DYSF: variants seen among roughly 807,000 people sequenced by gnomAD.
DYSF encodes dystrophy-associated fer-1-like 1.
In DYSF, 212 loss-of-function variants were observed where a neutral mutation model predicts 274.9. The observed-to-expected ratio is 0.77, with a 90% CI of 0.69 to 0.86. DYSF has a LOEUF of 0.86. Among genes scored for constraint, DYSF ranks in the 40% least tolerant of loss-of-function variants. The pLI is 0.00. For synonymous variants in DYSF, 1,091 were observed against 1,078.7 expected (o/e 1.01, Z -0.22); for missense variants, 2,666 against 2,783.2 (o/e 0.96, Z 0.95).
At chr2:71,536,464 G>A (rs58242692) in intron 16 of DYSF, among the ~76,000 whole-genome samples, 3,456 of 152,366 alleles carry the variant, frequency 0.023, 123 homozygotes, top group African/African-American at 0.075. Context: ...TTGGAGGAAA[G>A]ATGTGCTTTA....
Position 71,570,353 on chromosome 2 carries a change from C to T in DYSF, c.3085+19C>T. On this transcript the variant is annotated intron_variant, in intron 28 of 55. Transcript: ENST00000410020. ...GAGCAAGGTGGGCAGCATGTGGAAC[C>T]TGGCGAGCCCCATCCCCGGCAAGCT... 6.2e-7 allele frequency: 1 copy of T among 1,610,738 alleles called. No individual in the cohort carries two copies. The highest frequency in any genetic ancestry group is 8.5e-7 in the Non-Finnish European group (1 of 1,177,184).
At chr2:71,522,426 T>G (rs2087391541) in intron 12 of DYSF, among the ~76,000 whole-genome samples, 1 of 152,268 alleles carries the variant, frequency 6.6e-6, no homozygotes, top group Non-Finnish European at 1.5e-5. Context: ...CTCCATAGCG[T>G]TCGATTCTGG....
intron 17 of DYSF, among the ~76,000 whole-genome samples, chr2:71,543,696 C>A (rs1278716572): frequency 6.6e-6 from 1 of 152,170 alleles, no homozygotes; most frequent in Non-Finnish European, 1.5e-5. Flanking sequence ...CCCATCTCCA[C>A]CAAAAAAATA....
intron 41 of DYSF, among the ~76,000 whole-genome samples, chr2:71,635,748 C>CAAAAA (rs753590151): frequency 2.2e-4 from 15 of 69,284 alleles, no homozygotes; most frequent in Admixed American, 6.7e-4. Context: ...GACTCTGTCT[C>CAAAAA]AAAAAAAAAA....
chr2:71,512,086 C>T (rs994614664), intron 5 of DYSF, among the ~76,000 whole-genome samples, 165 bp downstream of exon 5: 1 of 152,224 alleles, frequency 6.6e-6, no homozygotes, highest in Non-Finnish European at 1.5e-5. Flanking sequence ...GTGGGAAGTC[C>T]TGAGGGCTGC....
At chr2:71,473,784 A>C (rs184265854) in intron 1 of DYSF, among the ~76,000 whole-genome samples, 1 of 152,200 alleles carries the variant, frequency 6.6e-6, no homozygotes, top group Middle Eastern at 3.2e-3. Context: ...GTTCTGTGGC[A>C]TTAATCATTG....
chr2:71,681,464 C>T (rs1430715864), intron 54 of DYSF, among the ~76,000 whole-genome samples: 2 of 152,248 alleles, frequency 1.3e-5, no homozygotes, highest in Admixed American at 1.3e-4. Flanking sequence ...TAAATAAGGG[C>T]ATTCCAGCTA....
intron 7 of DYSF, among the ~76,000 whole-genome samples, chr2:71,515,114 G>A (rs924686539): frequency 1.2e-4 from 19 of 152,230 alleles, no homozygotes; most frequent in African/African-American, 3.4e-4. Context: ...AAGCATAGAC[G>A]TTCTTGAAGT....
At position 71,588,826 on chromosome 2, in the gene DYSF, C is replaced by CT. The variant is rs547078151; in HGVS notation, c.3403-766dup. 4.5e-4 allele frequency: 69 copies of CT among 153,022 alleles called. 1 individual carries two copies. Among genetic ancestry groups the CT allele is most frequent in the African/African-American group, 1.6e-3 (66 of 41,560 alleles). The allele number at this position is 153,022 out of a possible 1,614,324, so 9.5% of individuals were successfully genotyped here. A position where few individuals can be genotyped will look rare whatever the true frequency, so the allele number is the denominator to read the frequency against. ...GGGTGTCTAGTAACGGCCACCGACT[C>CT]TCCCCAGTCCCTCTGTAGGCTGTGG... is the stretch of plus-strand genomic sequence containing the variant. On this transcript the variant is annotated intron_variant, in intron 30 of 55. Coordinates refer to ENST00000410020, the MANE Select transcript of DYSF (RefSeq NM_001130987.2).
chr2:71,577,415 C>T (rs1371301598), intron 30 of DYSF, among the ~76,000 whole-genome samples: 2 of 151,734 alleles, frequency 1.3e-5, no homozygotes, highest in Non-Finnish European at 2.9e-5. Context: ...CCCATACACA[C>T]TAACACCTAC....
At position 71,570,583 on chromosome 2, in the gene DYSF, G is replaced by T. The variant is rs533413074; in HGVS notation, c.3086-16G>T. 5 of 1,613,092 alleles carry T rather than the reference G, an allele frequency of 3.1e-6. No homozygotes were observed. In the South Asian group the frequency reaches 4.4e-5, roughly 14 times the overall value. On this transcript the variant is annotated splice_polypyrimidine_tract_variant and intron_variant, in intron 28 of 55. Transcript: ENST00000410020. ...GGAACTGCCAAGCAATGAGTGACCG[G>T]TTCCCCCTCCCCCAGGCTGGGAGTA...
rs2094980644 is a variant in DYSF, at chr2:71,665,439, CA to C, written c.5317+136del. On this transcript the variant is annotated intron_variant, in intron 47 of 55. Transcript: ENST00000410020. ...CAGGCTGTGGGTCTCTCCAGGGCAG[CA>C]CAGATGGGCTCCACTTGCACTTGGT... 10 of 1,099,052 alleles carry C rather than the reference CA, an allele frequency of 9.1e-6. No homozygotes were observed. The South Asian group carries it at 1.3e-4, about 14-fold the overall frequency. The allele number at this position is 1,099,052 out of a possible 1,614,324, so 68.1% of individuals were successfully genotyped here.
At chr2:71,679,714 G>A (rs2095272524) in intron 53 of DYSF, among the ~76,000 whole-genome samples, 1 of 152,142 alleles carries the variant, frequency 6.6e-6, no homozygotes, top group African/African-American at 2.4e-5. Flanking sequence ...GTTAATCCCT[G>A]AAAGTTTACT....
chr2:71,609,030 G>GT, intron 36 of DYSF, among the ~76,000 whole-genome samples: 2 of 152,024 alleles, frequency 1.3e-5, no homozygotes, highest in South Asian at 4.1e-4. Flanking sequence ...ACCACAAGCA[G>GT]GCATTCAAGT....
chr2:71,513,114 C>T (rs2086267764), intron 5 of DYSF, 126 bp from the exon 6 acceptor site: 6 of 890,176 alleles, frequency 6.7e-6, no homozygotes, highest in Non-Finnish European at 1.1e-5. Context: ...ACAGCTATTT[C>T]TGAGCTTTGC....
chr2:71,462,517 A>C (rs1034583209), upstream of DYSF, among the ~76,000 whole-genome samples: 1 of 152,156 alleles, frequency 6.6e-6, no homozygotes, highest in Non-Finnish European at 1.5e-5. Flanking sequence ...AGGCTGTTTC[A>C]GCCTTGTTTG....
At chr2:71,505,479 G>A (rs550147260) in intron 4 of DYSF, among the ~76,000 whole-genome samples, 1 of 152,226 alleles carries the variant, frequency 6.6e-6, no homozygotes, top group African/African-American at 2.4e-5. Flanking sequence ...GGATCCTTAG[G>A]AAACTCTGGC....
At chr2:71,620,399 C>A in intron 40 of DYSF, 148 bp from the exon 41 acceptor site, 4 of 831,120 alleles carry the variant, frequency 4.8e-6, no homozygotes, top group Non-Finnish European at 6.0e-6. Context: ...GGTGTTGGAG[C>A]CAGGCTTGTC....
chr2:71,542,595 C>T (rs1348821370), intron 17 of DYSF, among the ~76,000 whole-genome samples: 1 of 152,154 alleles, frequency 6.6e-6, no homozygotes, highest in Non-Finnish European at 1.5e-5. Context: ...ATGCTGCCTT[C>T]AAGCATCTGT....
Sources: allele counts gnomAD v4.1 joint callset (sites outside exome capture counted in the v4.1 genomes callset), GRCh38; gene constraint gnomAD v4.1.1; transcripts MANE v1.5; gene names NCBI Gene and HGNC (gene_info 2026-07-23, HGNC 2026-07-21).